Variants in GMPR observed in about 807,000 individuals in gnomAD.
GMPR encodes the protein GMP reductase 1.
Under a neutral mutation model 38.4 loss-of-function variants are expected in GMPR, and 31 were observed. That is an observed-to-expected ratio of 0.81 (90% CI 0.61 to 1.09). The LOEUF is 1.09. Among genes scored for constraint, GMPR ranks in the 50% least tolerant of loss-of-function variants. The pLI, the probability that GMPR is intolerant of heterozygous loss-of-function variation, is 0.00. For missense variants in GMPR, 468 were observed against 453.7 expected (o/e 1.03, Z -0.29); for synonymous variants, 162 against 173.3 (o/e 0.93, Z 0.51).
chr6:16,265,614 A>G (rs1478573378), intron 4 of GMPR, among the ~76,000 whole-genome samples: 1 of 145,454 alleles, frequency 6.9e-6, no homozygotes, highest in African/African-American at 2.4e-5. Flanking sequence ...AATAGCACCA[A>G]GCAGCGCTGT....
At chr6:16,241,644 C>T (rs530811494) in intron 1 of GMPR, among the ~76,000 whole-genome samples, 1 of 152,300 alleles carries the variant, frequency 6.6e-6, no homozygotes, top group East Asian at 1.9e-4. Context: ...TCATCTGTTA[C>T]GCTGGGGAGC....
At chr6:16,238,811 G>A (rs1449570853) in intron 1 of GMPR, 31 bp downstream of exon 1, 2 of 1,328,378 alleles carry the variant, frequency 1.5e-6, no homozygotes, top group Non-Finnish European at 2.0e-6. Flanking sequence ...GCAGTGGGGT[G>A]GGATTTTTTT....
chr6:16,281,720 G>T (rs1759578205), intron 6 of GMPR, among the ~76,000 whole-genome samples: 1 of 151,686 alleles, frequency 6.6e-6, no homozygotes, highest in Non-Finnish European at 1.5e-5. Context: ...ATGCTGGCCA[G>T]GCTGGTCTCG....
intron 3 of GMPR, 127 bp from the exon 4 acceptor site, chr6:16,254,435 G>C: frequency 1.4e-6 from 1 of 720,212 alleles, no homozygotes; most frequent in Non-Finnish European, 2.4e-6. Context: ...CAGGTGCACT[G>C]TGCATTTGAT....
chr6:16,273,510 TC>T (rs1759421881), intron 4 of GMPR, among the ~76,000 whole-genome samples: 1 of 152,194 alleles, frequency 6.6e-6, no homozygotes, highest in African/African-American at 2.4e-5. Flanking sequence ...TTCTGCCACT[TC>T]CTGGAGGCTT....
At chr6:16,283,548 C>T in intron 6 of GMPR, among the ~76,000 whole-genome samples, 1 of 152,192 alleles carries the variant, frequency 6.6e-6, no homozygotes, top group Non-Finnish European at 1.5e-5. Context: ...CACAAGTGCA[C>T]ATACAAAAGC....
At chr6:16,254,792 AGTT>A in intron 4 of GMPR, 57 bp downstream of exon 4, 2 of 1,297,264 alleles carry the variant, frequency 1.5e-6, no homozygotes, top group Non-Finnish European at 2.2e-6. Flanking sequence ...GCCACGAGGG[AGTT>A]GTTCAATGTG....
At position 16,242,881 on chromosome 6, in the gene GMPR, G is replaced by A. The variant is rs533787867; in HGVS notation, c.88-3961G>A. On this transcript the variant is annotated intron_variant, in intron 1 of 8. Coordinates refer to ENST00000259727, the MANE Select transcript of GMPR (RefSeq NM_006877.4). ...TTGAACTCTCGACCTCAGGTGATTC[G>A]CCTGCCTTGGCCTCTTAAAGTGCTG... 8.5e-5 allele frequency among the ~76,000 whole-genome samples: 13 copies of A among 152,174 alleles called. No individual in the cohort carries two copies. In the South Asian group the frequency reaches 2.5e-3, roughly 29 times the overall value.
intron 4 of GMPR, among the ~76,000 whole-genome samples, chr6:16,267,671 C>T (rs1581657754): frequency 6.6e-6 from 1 of 152,182 alleles, no homozygotes. Flanking sequence ...AGACCAAGAA[C>T]CCACCGGAAG....
intron 4 of GMPR, among the ~76,000 whole-genome samples, chr6:16,265,661 C>G (rs999336838): frequency 1.1e-4 from 16 of 145,490 alleles, no homozygotes; most frequent in African/African-American, 3.9e-4. Context: ...GCTAAAGCAG[C>G]GCTGTGTCTA....
Position 16,290,526 on chromosome 6 carries a change from A to G in GMPR, c.762A>G (p.Glu254=), listed in dbSNP as rs748806325. 1.4e-5 allele frequency: 23 copies of G among 1,613,860 alleles called. No individual in the cohort carries two copies. Among genetic ancestry groups the G allele is most frequent in the Non-Finnish European group, 1.9e-5 (22 of 1,179,880 alleles). ...MFSGHTECAG[E]VFERNGRKLK... is the part of the protein sequence containing the mutation. ...CGGGTCATACGGAGTGTGCTGGAGA[A>G]GTGTTTGAGAGGAACGGACGGAAGC... Residue 254 remains glutamate (E), a synonymous_variant, in exon 8 of 9, where the codon GAA becomes GAG. Transcript: ENST00000259727.
rs78620522 is a variant in GMPR at position 16,258,898 on chromosome 6, G to T, written c.465+4163G>T. On this transcript the variant is annotated intron_variant, in intron 4 of 8. Coordinates refer to ENST00000259727, the MANE Select transcript of GMPR (RefSeq NM_006877.4). ...ATTGTTACAATACAGTGAACAGAAA[G>T]GATGCTCACAAACGTTCCAGGAAGA... is the stretch of plus-strand genomic sequence containing the variant. 5.1e-3 allele frequency among the ~76,000 whole-genome samples: 784 copies of T among 152,308 alleles called. 7 individuals are homozygous for T. The highest frequency in any genetic ancestry group is 0.018 in the African/African-American group (758 of 41,558).
At chr6:16,285,132 T>A (rs564926672) in intron 6 of GMPR, among the ~76,000 whole-genome samples, 8 of 150,340 alleles carry the variant, frequency 5.3e-5, no homozygotes, top group African/African-American at 2.0e-4. Flanking sequence ...CCCCAACAGC[T>A]GAACCTTGCT....
intron 4 of GMPR, 70 bp downstream of exon 4, chr6:16,254,805 G>A: frequency 9.1e-7 from 1 of 1,102,462 alleles, no homozygotes. Context: ...TGTTCAATGT[G>A]TCGGGGGAGC....
rs10538887 is a variant in GMPR, at chr6:16,250,623, CCTG to C, written c.291+257_291+259del. 3.9e-3 allele frequency among the ~76,000 whole-genome samples: 588 copies of C among 152,266 alleles called. 5 individuals are homozygous for C. The highest frequency in any genetic ancestry group is 0.014 in the African/African-American group (563 of 41,550). On this transcript the variant is annotated intron_variant, in intron 3 of 8. Transcript: ENST00000259727. ...TTATATCCCAAGAGCTTGGGGAAGA[CCTG>C]TGTTTCCTGCCAGGTAATTCAAGGT...
chr6:16,291,786 CTG>C (rs1048950602), intron 8 of GMPR, among the ~76,000 whole-genome samples: 8 of 151,972 alleles, frequency 5.3e-5, no homozygotes, highest in African/African-American at 1.9e-4. Flanking sequence ...TGTCACATGA[CTG>C]TACTCCCAGC....
At chr6:16,265,630 G>C (rs915843405) in intron 4 of GMPR, among the ~76,000 whole-genome samples, 1 of 145,048 alleles carries the variant, frequency 6.9e-6, no homozygotes, top group East Asian at 1.9e-4. Context: ...GCTGTGTCTA[G>C]CTAAAGCAGC....
Position 16,290,526 on chromosome 6 carries a change from A to C in GMPR, c.762A>C (p.Glu254Asp). Residue 254 changes from glutamate (E) to aspartate (D), a missense_variant, in exon 8 of 9, where the codon GAA becomes GAC. Coordinates refer to ENST00000259727, the MANE Select transcript of GMPR (RefSeq NM_006877.4). ...MFSGHTECAG[E>D]VFERNGRKLK... ...CGGGTCATACGGAGTGTGCTGGAGA[A>C]GTGTTTGAGAGGAACGGACGGAAGC... 2 of 1,613,978 alleles carry C rather than the reference A, an allele frequency of 1.2e-6. No homozygotes were observed. Among genetic ancestry groups the C allele is most frequent in the Non-Finnish European group, 1.7e-6 (2 of 1,179,872 alleles).
In GMPR at chr6:16,260,530, C is replaced by T. The variant is rs1051626466; in HGVS notation, c.465+5795C>T. Among the ~76,000 whole-genome samples the T allele has an allele frequency of 5.0e-4, 76 of 152,060 alleles. 1 individual carries two copies. Among genetic ancestry groups the T allele is most frequent in the African/African-American group, 1.8e-3 (74 of 41,526 alleles). On this transcript the variant is annotated intron_variant, in intron 4 of 8. Coordinates refer to ENST00000259727, the MANE Select transcript of GMPR (RefSeq NM_006877.4). ...TTGCCAGTCCTGGGTGGGGGCAAAT[C>T]CTCGAGCTTGATGTGTGGGGAAGGG...
Sources: allele counts gnomAD v4.1 joint callset (sites outside exome capture counted in the v4.1 genomes callset), GRCh38; gene constraint gnomAD v4.1.1; transcripts MANE v1.5; gene names NCBI Gene and HGNC (gene_info 2026-07-23, HGNC 2026-07-21).